The following ITPR3 variants were observed in gnomAD, a reference collection of about 807,000 sequenced individuals.
ITPR3 encodes inositol 1,4,5-trisphosphate-gated calcium channel ITPR3.
In ITPR3, 173 loss-of-function variants were observed where a neutral mutation model predicts 293.2. The ratio of observed to expected loss-of-function variants is 0.59; its 90% confidence interval spans 0.52 to 0.67. The LOEUF is 0.67. ITPR3 is among the 30% of genes least tolerant of loss of function. ITPR3 has a pLI of 0.00. For synonymous variants in ITPR3, 1,295 were observed against 1,444.4 expected (o/e 0.90, Z 2.35); for missense variants, 2,796 against 3,592.1 (o/e 0.78, Z 5.66).
intron 9 of ITPR3, 112 bp from the exon 10 acceptor site, chr6:33,663,382 AGGGTGC>A (rs768746635): frequency 4.5e-6 from 1 of 222,886 alleles, no homozygotes; most frequent in Non-Finnish European, 7.4e-6. Context: ...CACCCCTGGG[AGGGTGC>A]AGCCTGCCTG....
Position 33,664,817 on chromosome 6 carries a change from T to C in ITPR3, c.1149-53T>C. 1 of 1,507,620 alleles carries C rather than the reference T, an allele frequency of 6.6e-7. No individual in the cohort carries two copies. The highest frequency in any genetic ancestry group is 2.3e-5 in the East Asian group (1 of 43,854). 93.4% of individuals were successfully genotyped at this position (1,507,620 alleles called of 1,614,324 possible). On this transcript the variant is annotated intron_variant, in intron 11 of 57. Transcript: ENST00000605930. The surrounding 1 kb of genome is among the most constrained non-coding windows in gnomAD (Gnocchi z 4.4). ...TGGGGAGGTAGGCCGGCAGGCAGCA[T>C]GACGTGCTCTGTGGTGCACTCCCCG... is the stretch of plus-strand genomic sequence containing the variant.
In ITPR3 at chr6:33,695,997, G is replaced by A. The variant is rs184182762; in HGVS notation, c.*217G>A. 5 of 574,902 alleles carry A rather than the reference G, an allele frequency of 8.7e-6. No homozygotes were observed. The highest frequency in any genetic ancestry group is 1.6e-5 in the Non-Finnish European group (5 of 321,368). 35.6% of individuals were successfully genotyped at this position (574,902 alleles called of 1,614,324 possible). A position where few individuals can be genotyped will look rare whatever the true frequency, so the allele number is the denominator to read the frequency against. Reference sequence around the variant, plus strand: ...TTAGAGCCCTTAAAAAGACTTGAAAGTTCACTGGGACTCAGTTTACCTTAA... The same window carrying A: ...TTAGAGCCCTTAAAAAGACTTGAAAATTCACTGGGACTCAGTTTACCTTAA... On this transcript the variant is annotated 3_prime_UTR_variant, in exon 58 of 58. Transcript: ENST00000605930.
rs1764357002 is a variant in ITPR3 at position 33,658,036 on chromosome 6, C to G, written c.369+18C>G. The G allele has an allele frequency of 6.2e-7, 1 of 1,601,026 alleles. No individual in the cohort carries two copies. Among genetic ancestry groups the G allele is most frequent in the Non-Finnish European group, 8.5e-7 (1 of 1,171,118 alleles). Reference sequence around the variant, plus strand: ...TGATCCAGGTGAGGCTGGCCTGCCTCTCTCCCGCCTGCCCCTCTCCCTGCC... The same window carrying G: ...TGATCCAGGTGAGGCTGGCCTGCCTGTCTCCCGCCTGCCCCTCTCCCTGCC... On this transcript the variant is annotated intron_variant, in intron 4 of 57. Transcript: ENST00000605930. The surrounding 1 kb of genome is among the most constrained non-coding windows in gnomAD (Gnocchi z 6.1).
chr6:33,641,001 C>T (rs1055832299), intron 2 of ITPR3, among the ~76,000 whole-genome samples: 1 of 152,216 alleles, frequency 6.6e-6, no homozygotes, highest in African/African-American at 2.4e-5. Context: ...TCTTCTGACC[C>T]TGGCTGTGTC....
At chr6:33,695,197 C>A in intron 57 of ITPR3, 112 bp downstream of exon 57, 1 of 1,227,852 alleles carries the variant, frequency 8.1e-7, no homozygotes, top group Non-Finnish European at 1.1e-6. Flanking sequence ...TGGCCCTGGG[C>A]CTGGATGAGA....
At position 33,662,587 on chromosome 6, in the gene ITPR3, C is replaced by G. The variant is rs1384459323; in HGVS notation, c.771C>G (p.Tyr257Ter). The change falls in exon 8 of 58, where the codon TAC (tyrosine) becomes TAG (stop). Residue 257 changes from tyrosine (Y) to a stop codon, truncating the protein, a stop_gained. Coordinates refer to ENST00000605930, the MANE Select transcript of ITPR3 (RefSeq NM_002224.4). LOFTEE classifies it high-confidence loss of function. ...AGAAGTTCCTGACGTGTGACGAGTACAAGGGCAAGCTGCAGGTGTTCCTGC... is the reference window on the plus strand; with the variant it reads ...AGAAGTTCCTGACGTGTGACGAGTAGAAGGGCAAGCTGCAGGTGTTCCTGC... ...EQEKFLTCDEYKGKLQVFLRT... is the reference protein window; with the variant it reads ...EQEKFLTCDE 6.2e-7 allele frequency: 1 copy of G among 1,612,200 alleles called. No individual in the cohort carries two copies. Among genetic ancestry groups the G allele is most frequent in the Non-Finnish European group, 8.5e-7 (1 of 1,179,768 alleles).
Position 33,655,795 on chromosome 6 carries a change from C to T in ITPR3, c.190C>T (p.Arg64Cys). The change falls in exon 3 of 58, where the codon CGC becomes TGC. Residue 64 changes from arginine (R) to cysteine (C), a missense_variant. This residue lies in a region of ITPR3 where 53 missense variants were observed against 45.7 expected (regional missense o/e 1.16). Transcript: ENST00000605930. The surrounding 1 kb of genome is among the most constrained non-coding windows in gnomAD (Gnocchi z 4.9). ...DCLFKVCPMNRYSAQKQYWKA... is the reference protein window; with the variant it reads ...DCLFKVCPMNCYSAQKQYWKA... ...CCTCTTCAAGGTGTGCCCCATGAAC[C>T]GCTACTCGGCCCAGAAGCAGTACTG... 2 of 1,614,098 alleles carry T rather than the reference C, an allele frequency of 1.2e-6. No homozygotes were observed. Among genetic ancestry groups the T allele is most frequent in the Non-Finnish European group, 1.7e-6 (2 of 1,180,012 alleles).
At chr6:33,690,315 C>A in intron 51 of ITPR3, 117 bp downstream of exon 51, 2 of 1,056,036 alleles carry the variant, frequency 1.9e-6, no homozygotes, top group Non-Finnish European at 2.7e-6. Context: ...TGCTGCTGGG[C>A]TGGGAGCAGT....
intron 10 of ITPR3, 63 bp from the exon 11 acceptor site, chr6:33,663,663 TCAGGTGGGATCC>T: frequency 6.2e-7 from 1 of 1,601,776 alleles, no homozygotes; most frequent in Non-Finnish European, 8.5e-7. Flanking sequence ...AGATGGGATC[TCAGGTGGGATCC>T]CAGGTGCTTC....
rs1422562868 is a variant in ITPR3 at position 33,655,152 on chromosome 6, G to A, written c.161-614G>A. 3.9e-5 allele frequency among the ~76,000 whole-genome samples: 6 copies of A among 152,308 alleles called. 1 individual carries two copies. Among genetic ancestry groups the A allele is most frequent in the Non-Finnish European group, 5.9e-5 (4 of 68,028 alleles). On this transcript the variant is annotated intron_variant, in intron 2 of 57. Coordinates refer to ENST00000605930, the MANE Select transcript of ITPR3 (RefSeq NM_002224.4). The surrounding 1 kb of genome is among the most constrained non-coding windows in gnomAD (Gnocchi z 4.9). ...GAAGTTCTCAGGAGAACACAGTGAG[G>A]GAGCCTCTTCCTCTTTGTATAGGGC...
chr6:33,689,877 C>T (rs1453622375), intron 50 of ITPR3, among the ~76,000 whole-genome samples, 157 bp from the exon 51 acceptor site: 1 of 152,192 alleles, frequency 6.6e-6, no homozygotes, highest in Non-Finnish European at 1.5e-5. Flanking sequence ...CAAGGGGCTG[C>T]CTCTGTATTC....
Position 33,684,583 on chromosome 6 carries a change from C to T in ITPR3, c.5047-15C>T. 1 of 1,613,454 alleles carries T rather than the reference C, an allele frequency of 6.2e-7. No individual in the cohort carries two copies. The highest frequency in any genetic ancestry group is 8.5e-7 in the Non-Finnish European group (1 of 1,179,412). On this transcript the variant is annotated splice_polypyrimidine_tract_variant and intron_variant, in intron 37 of 57. Transcript: ENST00000605930. This position sits in a 1 kb window ranked among gnomAD's most constrained non-coding sequence, Gnocchi z 4.2. ...GCTGTACCCACAATGGGGCCTCACTCCCATCCTCCCCCAGGGCAACCAGCT... is the reference window on the plus strand; with the variant it reads ...GCTGTACCCACAATGGGGCCTCACTTCCATCCTCCCCCAGGGCAACCAGCT...
intron 1 of ITPR3, among the ~76,000 whole-genome samples, chr6:33,629,014 G>A (rs1763612177): frequency 6.6e-6 from 1 of 152,188 alleles, no homozygotes; most frequent in African/African-American, 2.4e-5. Context: ...GATGATGGCA[G>A]TGGGTAGACT....
Position 33,687,128 on chromosome 6 carries a change from C to T in ITPR3, c.6075+24C>T, listed in dbSNP as rs199696299. 146 of 1,610,006 alleles carry T rather than the reference C, an allele frequency of 9.1e-5. No individual in the cohort carries two copies. Among genetic ancestry groups the T allele is most frequent in the Middle Eastern group, 1.7e-4 (1 of 6,054 alleles). On this transcript the variant is annotated intron_variant, in intron 44 of 57. Transcript: ENST00000605930. The surrounding 1 kb of genome is among the most constrained non-coding windows in gnomAD (Gnocchi z 5.3). ...TGGTGAGGCTGGGCAGGTGGGCAGGCGGGCGGAACCAGGTGGAGTGTGTTG... is the reference window on the plus strand; with the variant it reads ...TGGTGAGGCTGGGCAGGTGGGCAGGTGGGCGGAACCAGGTGGAGTGTGTTG...
Position 33,664,478 on chromosome 6 carries a change from AT to A in ITPR3, c.1149-391del, listed in dbSNP as rs1376873283. ...TAGAAAGGTAAACTTGCATTTTGTA[AT>A]CATAGACATTGAGTATTTTTGTGTA... is the stretch of plus-strand genomic sequence containing the variant. On this transcript the variant is annotated intron_variant, in intron 11 of 57. Coordinates refer to ENST00000605930, the MANE Select transcript of ITPR3 (RefSeq NM_002224.4). The surrounding 1 kb of genome is among the most constrained non-coding windows in gnomAD (Gnocchi z 4.4). Among the ~76,000 whole-genome samples, 1 of 152,202 alleles carries A rather than the reference AT, an allele frequency of 6.6e-6. No homozygotes were observed. Among genetic ancestry groups the A allele is most frequent in the Non-Finnish European group, 1.5e-5 (1 of 68,040 alleles).
chr6:33,686,596 AGTGTACATAGTG>A, intron 43 of ITPR3, 77 bp downstream of exon 43: 1 of 1,123,036 alleles, frequency 8.9e-7, no homozygotes, highest in Non-Finnish European at 1.4e-6. Context: ...TTGTGTGTCA[AGTGTACATAGTG>A]GTGTGTAATG....
intron 2 of ITPR3, among the ~76,000 whole-genome samples, chr6:33,649,299 C>T (rs2127247467): frequency 6.6e-6 from 1 of 152,316 alleles, no homozygotes; most frequent in East Asian, 1.9e-4. Flanking sequence ...GATCTCGGCT[C>T]ACTGCAACCT....
intron 7 of ITPR3, among the ~76,000 whole-genome samples, chr6:33,659,761 A>C (rs993730809): frequency 6.6e-6 from 1 of 151,548 alleles, no homozygotes; most frequent in African/African-American, 2.4e-5. Context: ...TCCCTTCTCC[A>C]TTCTCCCTGG....
rs1394822515 is a variant in ITPR3 at position 33,679,387 on chromosome 6, G to T, written c.3973-495G>T. Among the ~76,000 whole-genome samples, 1 of 152,180 alleles carries T rather than the reference G, an allele frequency of 6.6e-6. No individual in the cohort carries two copies. The highest frequency in any genetic ancestry group is 2.4e-5 in the African/African-American group (1 of 41,432). Reference sequence around the variant, plus strand: ...GCATCTGACAGTGTAGGCGGCAGGGGGAGAAAGAAGCAAACACTGAAGGGA... The same window carrying T: ...GCATCTGACAGTGTAGGCGGCAGGGTGAGAAAGAAGCAAACACTGAAGGGA... On this transcript the variant is annotated intron_variant, in intron 30 of 57. Coordinates refer to ENST00000605930, the MANE Select transcript of ITPR3 (RefSeq NM_002224.4). This position sits in a 1 kb window ranked among gnomAD's most constrained non-coding sequence, Gnocchi z 4.2.
Sources: gnomAD v4.1 joint callset for allele counts (sites outside exome capture counted in the v4.1 genomes callset) on GRCh38, gnomAD v4.1.1 for gene constraint, gnomAD v4.1.1 regional missense constraint, Gnocchi (gnomAD v3.1) non-coding constraint, MANE v1.5 for transcripts, NCBI Gene and HGNC (gene_info 2026-07-23, HGNC 2026-07-21) for gene names.